Variants in PAX5 observed in about 807,000 individuals in gnomAD.
PAX5 encodes paired box 5, also known as paired box protein Pax-5.
Under a neutral mutation model 43.7 loss-of-function variants are expected in PAX5, and 9 were observed. That is an observed-to-expected ratio of 0.21 (90% CI 0.12 to 0.36). PAX5 has a LOEUF of 0.36. PAX5 is among the 10% of genes least tolerant of loss of function. The probability of loss-of-function intolerance (pLI) is 1.00; values close to 1 mark genes in which losing one functional copy is unlikely to be tolerated. For missense variants in PAX5, 383 were observed against 532.7 expected (o/e 0.72, Z 2.77); for synonymous variants, 228 against 214.3 (o/e 1.06, Z -0.56).
At chr9:36,915,180 C>G (rs942981840) in intron 7 of PAX5, among the ~76,000 whole-genome samples, 1 of 152,072 alleles carries the variant, frequency 6.6e-6, no homozygotes, top group Non-Finnish European at 1.5e-5. Flanking sequence ...CCTAAAAGTA[C>G]GTATAAAAGT....
intron 2 of PAX5, among the ~76,000 whole-genome samples, chr9:37,019,720 A>C (rs567183742): frequency 9.2e-5 from 14 of 152,342 alleles, no homozygotes; most frequent in African/African-American, 3.4e-4. Flanking sequence ...GTGAGAAAGC[A>C]CTGAACAGCT....
Position 36,966,629 on chromosome 9 carries a change from G to A in PAX5, c.700C>T (p.Leu234=), listed in dbSNP as rs756603249. ...TCAAACACGCGGTCCAGCACCTCCA[G>A]CTGCTGCTGTGTGAACAAGTCTCCC... ...MRGDLFTQQQ[L]EVLDRVFERQ... Residue 234 remains leucine, a synonymous_variant, in exon 6 of 10, where the codon CTG becomes TTG. Transcript: ENST00000358127. 10 of 1,614,088 alleles carry A rather than the reference G, an allele frequency of 6.2e-6. No individual in the cohort carries two copies. In the East Asian group the frequency reaches 1.8e-4, roughly 29 times the overall value.
chr9:36,911,317 C>T (rs1180406142), intron 7 of PAX5, among the ~76,000 whole-genome samples: 1 of 149,654 alleles, frequency 6.7e-6, no homozygotes, highest in South Asian at 2.1e-4. Flanking sequence ...CTTTCCAATG[C>T]ACAAAACAAC....
At chr9:36,873,119 G>C (rs1032513742) in intron 8 of PAX5, among the ~76,000 whole-genome samples, 2 of 152,232 alleles carry the variant, frequency 1.3e-5, no homozygotes, top group African/African-American at 4.8e-5. Context: ...CCTTTGAGAA[G>C]TCTTCCCTGA....
chr9:36,958,843 C>A (rs1361179274), intron 6 of PAX5, among the ~76,000 whole-genome samples: 1 of 152,228 alleles, frequency 6.6e-6, no homozygotes, highest in Non-Finnish European at 1.5e-5. Flanking sequence ...TGCTGACCAG[C>A]CTACTCCTCC....
chr9:36,859,626 A>G (rs1824003760), intron 8 of PAX5, among the ~76,000 whole-genome samples: 1 of 152,104 alleles, frequency 6.6e-6, no homozygotes, highest in Non-Finnish European at 1.5e-5. Context: ...TGTGTCCGCA[A>G]ATTCCTGTAA....
intron 1 of PAX5, among the ~76,000 whole-genome samples, chr9:37,023,215 A>G (rs888991628): frequency 1.3e-5 from 2 of 152,210 alleles, no homozygotes; most frequent in Non-Finnish European, 2.9e-5. Context: ...AGAATAGGCC[A>G]AGAAAAGAAA....
intron 9 of PAX5, among the ~76,000 whole-genome samples, chr9:36,844,059 G>A (rs1822337553): frequency 6.6e-6 from 1 of 152,182 alleles, no homozygotes; most frequent in Non-Finnish European, 1.5e-5. Context: ...TTCATTTTCT[G>A]CTTAAGCCAG....
At chr9:36,879,813 C>T (rs1392716056) in intron 8 of PAX5, among the ~76,000 whole-genome samples, 1 of 152,194 alleles carries the variant, frequency 6.6e-6, no homozygotes, top group Admixed American at 6.5e-5. Context: ...GTCCATCTCC[C>T]AAGGCCGCCT....
At chr9:36,980,929 G>T (rs1835854508) in intron 5 of PAX5, among the ~76,000 whole-genome samples, 1 of 151,890 alleles carries the variant, frequency 6.6e-6, no homozygotes, top group African/African-American at 2.4e-5. Context: ...TACTTAACTG[G>T]GTACCCCCCC....
In PAX5 at chr9:36,848,636, A is replaced by T. The variant is rs1223027413; in HGVS notation, c.1013-1707T>A. On this transcript the variant is annotated intron_variant, in intron 8 of 9. Coordinates refer to ENST00000358127, the MANE Select transcript of PAX5 (RefSeq NM_016734.3). The stretch of plus-strand genomic sequence containing the variant: ...ACAGGGACAGCGCCCTCCCCTCGGG[A>T]CTCTGAGCACCCGTGGACCTGCCCT... 2.0e-5 allele frequency among the ~76,000 whole-genome samples: 3 copies of T among 151,850 alleles called. No homozygotes were observed. In the East Asian group the frequency reaches 5.8e-4, roughly 29 times the overall value.
At chr9:36,841,514 T>G (rs1053275254) in intron 9 of PAX5, among the ~76,000 whole-genome samples, 1 of 152,246 alleles carries the variant, frequency 6.6e-6, no homozygotes, top group East Asian at 1.9e-4. Flanking sequence ...CACTCCCCTG[T>G]AGTCTGTCCC....
intron 8 of PAX5, among the ~76,000 whole-genome samples, chr9:36,852,992 CT>C (rs1823310653): frequency 6.6e-6 from 1 of 152,174 alleles, no homozygotes; most frequent in South Asian, 2.1e-4. Context: ...GTATTTGAAA[CT>C]TTTCAAGCAT....
At chr9:36,890,267 A>G (rs1827264548) in intron 7 of PAX5, among the ~76,000 whole-genome samples, 2 of 145,284 alleles carry the variant, frequency 1.4e-5, no homozygotes, top group South Asian at 4.7e-4. Context: ...ACAAGATGAG[A>G]GGTGGGGGCG....
chr9:36,950,146 C>A (rs750444231), intron 6 of PAX5, among the ~76,000 whole-genome samples: 10 of 152,158 alleles, frequency 6.6e-5, no homozygotes, highest in African/African-American at 1.7e-4. Flanking sequence ...TGCCAGGAAC[C>A]CTTGAACTAC....
At chr9:36,878,411 C>T (rs1158467050) in intron 8 of PAX5, among the ~76,000 whole-genome samples, 17 of 152,196 alleles carry the variant, frequency 1.1e-4, no homozygotes, top group Admixed American at 1.1e-3. Flanking sequence ...TGTGGCAGAG[C>T]CAGGCACAAG....
At chr9:36,906,418 G>A (rs1828826762) in intron 7 of PAX5, among the ~76,000 whole-genome samples, 1 of 152,144 alleles carries the variant, frequency 6.6e-6, no homozygotes, top group African/African-American at 2.4e-5. Context: ...TGAAGATGGA[G>A]GAAGGGGCCA....
In PAX5 at chr9:36,839,660, C is replaced by T. The variant is rs1316688464; in HGVS notation, c.*900G>A. 4.3e-6 allele frequency: 1 copy of T among 233,358 alleles called. No homozygotes were observed. Among genetic ancestry groups the T allele is most frequent in the East Asian group, 6.0e-5 (1 of 16,586 alleles). 14.5% of individuals were successfully genotyped at this position (233,358 alleles called of 1,614,324 possible). ...CTGAGGGAGTAGGGAGAGCCTCAGG[C>T]CCCTCCTTGGCTGGGATCAGATGAT... On this transcript the variant is annotated 3_prime_UTR_variant, in exon 10 of 10. Coordinates refer to ENST00000358127, the MANE Select transcript of PAX5 (RefSeq NM_016734.3).
chr9:36,862,825 C>T (rs1018514654), intron 8 of PAX5, among the ~76,000 whole-genome samples: 7 of 152,208 alleles, frequency 4.6e-5, no homozygotes, highest in Non-Finnish European at 7.3e-5. Flanking sequence ...AACTCAGGCT[C>T]ATGAGCTCCC....
Sources: allele counts gnomAD v4.1 joint callset (sites outside exome capture counted in the v4.1 genomes callset), GRCh38; gene constraint gnomAD v4.1.1; transcripts MANE v1.5; gene names NCBI Gene and HGNC (gene_info 2026-07-23, HGNC 2026-07-21).